The following TLR4 variants were observed in gnomAD, a reference collection of about 807,000 sequenced individuals.
TLR4 encodes the protein toll-like receptor 4.
In TLR4, 17 loss-of-function variants were observed where a neutral mutation model predicts 27.4. The observed-to-expected ratio is 0.62, with a 90% confidence interval of 0.42 to 0.93. TLR4 has a LOEUF of 0.93. Ranked by LOEUF, TLR4 falls within the 40% of genes least tolerant of loss-of-function variation. The probability of loss-of-function intolerance (pLI) is 0.00; values close to 1 mark genes in which losing one functional copy is unlikely to be tolerated. For synonymous variants in TLR4, 363 were observed against 365.7 expected (o/e 0.99, Z 0.08); for missense variants, 926 against 962.3 (o/e 0.96, Z 0.50).
At chr9:117,708,905 T>C in intron 2 of TLR4, 176 bp downstream of exon 2, 1 of 746,430 alleles carries the variant, frequency 1.3e-6, no homozygotes, top group Non-Finnish European at 2.1e-6. Context: ...TCTCCAGGTC[T>C]CAGTTTTCTA....
In TLR4 at chr9:117,717,506, T is replaced by C. The variant is rs1334808023; in HGVS notation, c.*2858T>C. 6.6e-6 allele frequency: 1 copy of C among 152,142 alleles called. No individual in the cohort carries two copies. Among genetic ancestry groups the C allele is most frequent in the Non-Finnish European group, 1.5e-5 (1 of 68,020 alleles). The allele number at this position is 152,142 out of a possible 1,614,324, so 9.4% of individuals were successfully genotyped here. ...TCTCTCAAAATATCTTACTGTACTG[T>C]ACTCACCTATTTTCAGACCATAACT... On this transcript the variant is annotated 3_prime_UTR_variant, in exon 3 of 3. Coordinates refer to ENST00000355622, the MANE Select transcript of TLR4 (RefSeq NM_138554.5).
Position 117,714,729 on chromosome 9 carries a change from G to A in TLR4, c.*81G>A, listed in dbSNP as rs199643185. On this transcript the variant is annotated 3_prime_UTR_variant, in exon 3 of 3. Transcript: ENST00000355622. ...GTTCAGTTAATAAGTATTAAATGCT[G>A]CCACATGTCAGGCCTTATGCTAAGG... 1 of 1,237,698 alleles carries A rather than the reference G, an allele frequency of 8.1e-7. No homozygotes were observed. Among genetic ancestry groups the A allele is most frequent in the Non-Finnish European group, 1.2e-6 (1 of 855,276 alleles). 76.7% of individuals were successfully genotyped at this position (1,237,698 alleles called of 1,614,324 possible). A position where few individuals can be genotyped will look rare whatever the true frequency, so the allele number is the denominator to read the frequency against.
At position 117,712,556 on chromosome 9, in the gene TLR4, A is replaced by G; in HGVS notation, c.428A>G (p.Asn143Ser). The G allele has an allele frequency of 1.2e-6, 2 of 1,614,032 alleles. No homozygotes were observed. Among genetic ancestry groups the G allele is most frequent in the South Asian group, 2.2e-5 (2 of 91,084 alleles). The change falls in exon 3 of 3, where the codon AAC becomes AGC. Residue 143 changes from asparagine to serine, a missense_variant. By Grantham distance (46) the Asn-to-Ser change is conservative (BLOSUM62 1). Coordinates refer to ENST00000355622, the MANE Select transcript of TLR4 (RefSeq NM_138554.5). ...GAGACAAATCTAGCATCTCTAGAGA[A>G]CTTCCCCATTGGACATCTCAAAACT... ...AVETNLASLENFPIGHLKTLK... is the reference protein window; with the variant it reads ...AVETNLASLESFPIGHLKTLK...
rs1324427973 is a variant in TLR4, at chr9:117,720,754, A to C, written c.*6106A>C. 1 of 152,280 alleles carries C rather than the reference A, an allele frequency of 6.6e-6. No individual in the cohort carries two copies. Among genetic ancestry groups the C allele is most frequent in the East Asian group, 1.9e-4 (1 of 5,180 alleles). 9.4% of individuals were successfully genotyped at this position (152,280 alleles called of 1,614,324 possible). On this transcript the variant is annotated 3_prime_UTR_variant, in exon 3 of 3. Transcript: ENST00000355622. ...CCATTTCCCATGGGCCAAGCAAGGC[A>C]GGACTGACCTGAAATAACCCAGCCT...
At position 117,714,390 on chromosome 9, in the gene TLR4, T is replaced by C. The variant is rs1829303829; in HGVS notation, c.2262T>C (p.Ala754=). The change falls in exon 3 of 3, where the codon GCT becomes GCC. Residue 754 remains alanine, a synonymous_variant. Transcript: ENST00000355622. ...GGTGTATCTTTGAATATGAGATTGC[T>C]CAGACCTGGCAGTTTCTGAGCAGTC... The part of the protein sequence containing the change: ...SRWCIFEYEI[A]QTWQFLSSRA... The C allele has an allele frequency of 6.2e-7, 1 of 1,609,902 alleles. No individual in the cohort carries two copies. Among genetic ancestry groups the C allele is most frequent in the Middle Eastern group, 1.7e-4 (1 of 6,010 alleles).
intron 1 of TLR4, 38 bp downstream of exon 1, chr9:117,704,603 A>G (rs775597927): frequency 6.4e-7 from 1 of 1,569,532 alleles, no homozygotes; most frequent in African/African-American, 1.4e-5. Context: ...ACTTTCCCTC[A>G]CTTCTGCCCA....
At chr9:117,708,390 T>A in intron 1 of TLR4, 173 bp from the exon 2 acceptor site, 2 of 1,466,184 alleles carry the variant, frequency 1.4e-6, no homozygotes, top group Non-Finnish European at 1.8e-6. Flanking sequence ...TAAGCATGAA[T>A]TGAGTGAATG....
rs553585103 is a variant in TLR4 at position 117,721,245 on chromosome 9, T to A, written c.*6597T>A. 2 of 152,340 alleles carry A rather than the reference T, an allele frequency of 1.3e-5. No homozygotes were observed. Among genetic ancestry groups the A allele is most frequent in the African/African-American group, 4.8e-5 (2 of 41,572 alleles). The allele number at this position is 152,340 out of a possible 1,614,324, so 9.4% of individuals were successfully genotyped here. A position where few individuals can be genotyped will look rare whatever the true frequency, so the allele number is the denominator to read the frequency against. On this transcript the variant is annotated 3_prime_UTR_variant, in exon 3 of 3. Coordinates refer to ENST00000355622, the MANE Select transcript of TLR4 (RefSeq NM_138554.5). ...ATCCCTTAACCCCTTCCCACCTTTCTGAGTCCTCAATGTCTGTTATTTCAT... is the reference window on the plus strand; with the variant it reads ...ATCCCTTAACCCCTTCCCACCTTTCAGAGTCCTCAATGTCTGTTATTTCAT...
In TLR4 at chr9:117,722,116, G is replaced by A. The variant is rs1241923726; in HGVS notation, c.*7468G>A. 1 of 152,130 alleles carries A rather than the reference G, an allele frequency of 6.6e-6. No homozygotes were observed. Among genetic ancestry groups the A allele is most frequent in the Non-Finnish European group, 1.5e-5 (1 of 68,028 alleles). 9.4% of individuals were successfully genotyped at this position (152,130 alleles called of 1,614,324 possible). ...TGTGGTCTTTTCTAAACTCTCTGAG[G>A]CATCTGTTGTCAATGTGATGTTGTT... On this transcript the variant is annotated 3_prime_UTR_variant, in exon 3 of 3. Coordinates refer to ENST00000355622, the MANE Select transcript of TLR4 (RefSeq NM_138554.5).
At position 117,713,058 on chromosome 9, in the gene TLR4, T is replaced by G. The variant is rs866117424; in HGVS notation, c.930T>G (p.Val310=). The part of the protein sequence containing the change: ...IIDLFNCLTN[V]SSFSLVSVTI... ...ACTTATTTAATTGTTTGACAAATGT[T>G]TCTTCATTTTCCCTGGTGAGTGTGA... Residue 310 remains valine (V), a synonymous_variant, in exon 3 of 3, where the codon GTT becomes GTG. Transcript: ENST00000355622. 1.2e-6 allele frequency: 2 copies of G among 1,614,000 alleles called. No individual in the cohort carries two copies. The highest frequency in any genetic ancestry group is 1.6e-4 in the Middle Eastern group (1 of 6,062).
At position 117,712,793 on chromosome 9, in the gene TLR4, C is replaced by T. The variant is rs1651693596; in HGVS notation, c.665C>T (p.Ala222Val). The T allele has an allele frequency of 4.3e-6, 7 of 1,613,942 alleles. No homozygotes were observed. The highest frequency in any genetic ancestry group is 5.9e-6 in the Non-Finnish European group (7 of 1,179,996). Reference protein sequence around the residue: ...LNPMNFIQPGAFKEIRLHKLT... With the variant: ...LNPMNFIQPGVFKEIRLHKLT... ...CCTATGAACTTTATCCAACCAGGTGCATTTAAAGAAATTAGGCTTCATAAG... is the reference window on the plus strand; with the variant it reads ...CCTATGAACTTTATCCAACCAGGTGTATTTAAAGAAATTAGGCTTCATAAG... The change falls in exon 3 of 3, where the codon GCA (alanine) becomes GTA (valine). Residue 222 changes from alanine to valine, a missense_variant. By Grantham distance (64) the Ala-to-Val change is moderately conservative. Coordinates refer to ENST00000355622, the MANE Select transcript of TLR4 (RefSeq NM_138554.5).
chr9:117,716,124 G>A lies in TLR4; in HGVS notation c.*1476G>A, dbSNP rs200647554. 2.0e-5 allele frequency: 3 copies of A among 152,174 alleles called. No homozygotes were observed. Among genetic ancestry groups the A allele is most frequent in the Non-Finnish European group, 4.4e-5 (3 of 68,028 alleles). 9.4% of individuals were successfully genotyped at this position (152,174 alleles called of 1,614,324 possible). On this transcript the variant is annotated 3_prime_UTR_variant, in exon 3 of 3. Transcript: ENST00000355622. ...ACTGCTGGAGGGAATGGAAAATGGT[G>A]TAGCCGTTATGAAAAACAGTACGGA...
chr9:117,719,980 C>A lies in TLR4; in HGVS notation c.*5332C>A, dbSNP rs1482379301. 6.6e-6 allele frequency: 1 copy of A among 152,088 alleles called. No individual in the cohort carries two copies. The highest frequency in any genetic ancestry group is 1.5e-5 in the Non-Finnish European group (1 of 68,032). The allele number at this position is 152,088 out of a possible 1,614,324, so 9.4% of individuals were successfully genotyped here. A position where few individuals can be genotyped will look rare whatever the true frequency, so the allele number is the denominator to read the frequency against. On this transcript the variant is annotated 3_prime_UTR_variant, in exon 3 of 3. Coordinates refer to ENST00000355622, the MANE Select transcript of TLR4 (RefSeq NM_138554.5). ...ATGCCCAGAGAGGACGAGTAACTTGCCTTAGGTCACACAGCTTATATTAAT... is the reference window on the plus strand; with the variant it reads ...ATGCCCAGAGAGGACGAGTAACTTGACTTAGGTCACACAGCTTATATTAAT...
At position 117,718,912 on chromosome 9, in the gene TLR4, A is replaced by T. The variant is rs1269604644; in HGVS notation, c.*4264A>T. On this transcript the variant is annotated 3_prime_UTR_variant, in exon 3 of 3. Coordinates refer to ENST00000355622, the MANE Select transcript of TLR4 (RefSeq NM_138554.5). ...TTTCTTTCTGATTCATTCTCTACTC[A>T]CGGGATTGTCAGACCCCAGTCTTCT... is the stretch of plus-strand genomic sequence containing the variant. 1 of 152,158 alleles carries T rather than the reference A, an allele frequency of 6.6e-6. No homozygotes were observed. The highest frequency in any genetic ancestry group is 2.4e-5 in the African/African-American group (1 of 41,454). The allele number at this position is 152,158 out of a possible 1,614,324, so 9.4% of individuals were successfully genotyped here. A position where few individuals can be genotyped will look rare whatever the true frequency, so the allele number is the denominator to read the frequency against.
chr9:117,707,515 G>T (rs1230144546), intron 1 of TLR4, among the ~76,000 whole-genome samples: 1 of 152,106 alleles, frequency 6.6e-6, no homozygotes, highest in Non-Finnish European at 1.5e-5. Context: ...CATTCTATTG[G>T]TTTCAAACAA....
Position 117,717,788 on chromosome 9 carries a change from A to T in TLR4, c.*3140A>T, listed in dbSNP as rs1428143472. ...CAACTTGGAATATTTCAAGGCCGAA[A>T]TATTCAAGGCTGACATTGGCCTCCT... On this transcript the variant is annotated 3_prime_UTR_variant, in exon 3 of 3. Coordinates refer to ENST00000355622, the MANE Select transcript of TLR4 (RefSeq NM_138554.5). The T allele has an allele frequency of 2.6e-5, 4 of 152,198 alleles. No individual in the cohort carries two copies. Among genetic ancestry groups the T allele is most frequent in the African/African-American group, 9.6e-5 (4 of 41,454 alleles). 9.4% of individuals were successfully genotyped at this position (152,198 alleles called of 1,614,324 possible).
In TLR4 at chr9:117,719,797, T is replaced by C. The variant is rs1829402227; in HGVS notation, c.*5149T>C. 1 of 152,208 alleles carries C rather than the reference T, an allele frequency of 6.6e-6. No individual in the cohort carries two copies. Among genetic ancestry groups the C allele is most frequent in the Admixed American group, 6.5e-5 (1 of 15,274 alleles). The allele number at this position is 152,208 out of a possible 1,614,324, so 9.4% of individuals were successfully genotyped here. A position where few individuals can be genotyped will look rare whatever the true frequency, so the allele number is the denominator to read the frequency against. ...AGATCACACACTCTGGCTGCCCTTATGGAGATCACCGAACTTTTCAACTCA... is the reference window on the plus strand; with the variant it reads ...AGATCACACACTCTGGCTGCCCTTACGGAGATCACCGAACTTTTCAACTCA... On this transcript the variant is annotated 3_prime_UTR_variant, in exon 3 of 3. Coordinates refer to ENST00000355622, the MANE Select transcript of TLR4 (RefSeq NM_138554.5).
chr9:117,708,790 T>A (rs1167201119), intron 2 of TLR4, 61 bp downstream of exon 2: 2 of 1,595,746 alleles, frequency 1.3e-6, no homozygotes, highest in African/African-American at 2.7e-5. Flanking sequence ...GTCATTTCAT[T>A]ATTGGACTGG....
chr9:117,704,454 C>G lies in TLR4; in HGVS notation c.-19C>G, dbSNP rs1309985770. 1 of 1,609,644 alleles carries G rather than the reference C, an allele frequency of 6.2e-7. No individual in the cohort carries two copies. The highest frequency in any genetic ancestry group is 1.1e-5 in the South Asian group (1 of 91,034). The stretch of plus-strand genomic sequence containing the variant: ...ACAGGGCCACTGCTGCTCACAGAAG[C>G]AGTGAGGATGATGCCAGGATGATGT... On this transcript the variant is annotated 5_prime_UTR_variant, in exon 1 of 3. Transcript: ENST00000355622.
Sources: gnomAD v4.1 joint callset for allele counts (sites outside exome capture counted in the v4.1 genomes callset) on GRCh38, gnomAD v4.1.1 for gene constraint, MANE v1.5 for transcripts, NCBI Gene and HGNC (gene_info 2026-07-23, HGNC 2026-07-21) for gene names.